Variants in RPH3AL observed in about 807,000 individuals in gnomAD.
The protein encoded by RPH3AL is rab effector Noc2.
In RPH3AL, 38 loss-of-function variants were observed where a neutral mutation model predicts 43.1. The ratio of observed to expected loss-of-function variants is 0.88; its 90% confidence interval spans 0.68 to 1.15. RPH3AL has a LOEUF of 1.15. Ranked by LOEUF, RPH3AL falls within the 50% of genes most tolerant of loss-of-function variation. RPH3AL has a pLI of 0.00. For missense variants in RPH3AL, 462 were observed against 423.2 expected (o/e 1.09, Z -0.81); for synonymous variants, 189 against 176.3 (o/e 1.07, Z -0.57).
intron 1 of RPH3AL, chr17:348,961 C>T (rs2045302529): frequency 6.6e-6 from 1 of 152,228 alleles, no homozygotes; most frequent in Non-Finnish European, 1.5e-5. Context: ...TGAAGAGCCA[C>T]TGCATATTGC....
At chr17:307,402 GTCCTCCCCACGGCAGA>G (rs946662518) in intron 5 of RPH3AL, among the ~76,000 whole-genome samples, 9 of 146,002 alleles carry the variant, frequency 6.2e-5, no homozygotes, top group Non-Finnish European at 9.1e-5. Flanking sequence ...CCCGCGGCAG[GTCCTCCCCACGGCAGA>G]TCCTCCCCAC....
At chr17:286,600 C>T (rs549140728) in intron 5 of RPH3AL, among the ~76,000 whole-genome samples, 16 of 152,324 alleles carry the variant, frequency 1.1e-4, no homozygotes, top group South Asian at 2.1e-4. Flanking sequence ...ATAAAGAAAA[C>T]GAAACAGGTG....
In RPH3AL at chr17:286,925, G is replaced by GTCAGACCTCGCACCCTCTCTCCACCA. The variant is rs1567615419; in HGVS notation, c.352-5072_352-5071insTGGTGGAGAGAGGGTGCGAGGTCTGA. Among the ~76,000 whole-genome samples the GTCAGACCTCGCACCCTCTCTCCACCA allele has an allele frequency of 8.8e-3, 994 of 112,708 alleles. 55 individuals carry two copies. Among genetic ancestry groups the GTCAGACCTCGCACCCTCTCTCCACCA allele is most frequent in the Middle Eastern group, 0.029 (6 of 210 alleles). The allele number at this position is 112,708 out of a possible 152,430, so 73.9% of individuals were successfully genotyped here. On this transcript the variant is annotated intron_variant, in intron 5 of 9. Transcript: ENST00000331302. The stretch of plus-strand genomic sequence containing the variant: ...AGACCTCGCACCCTCTCTCTCCACC[G>GTCAGACCTCGCACCCTCTCTCCACCA]TCAGACCTCGCACCCTCTCTCTCCA...
At chr17:311,630 A>G (rs541080867) in intron 5 of RPH3AL, among the ~76,000 whole-genome samples, 1 of 152,338 alleles carries the variant, frequency 6.6e-6, no homozygotes, top group South Asian at 2.1e-4. Context: ...TTGGCTCACA[A>G]TGGGCGAAGC....
intron 5 of RPH3AL, among the ~76,000 whole-genome samples, chr17:314,261 G>A (rs1398505427): frequency 2.0e-5 from 3 of 152,160 alleles, no homozygotes; most frequent in Non-Finnish European, 4.4e-5. Context: ...CAGGCTCTGT[G>A]CCTCTCCACA....
chr17:307,604 C>T (rs914630359), intron 5 of RPH3AL, among the ~76,000 whole-genome samples: 5 of 152,220 alleles, frequency 3.3e-5, no homozygotes, highest in African/African-American at 1.2e-4. Flanking sequence ...TGAGTGCACA[C>T]AGGAACTGAC....
chr17:313,360 C>T (rs1448608764), intron 5 of RPH3AL, among the ~76,000 whole-genome samples: 1 of 152,224 alleles, frequency 6.6e-6, no homozygotes, highest in African/African-American at 2.4e-5. Context: ...CAGCTCCTGA[C>T]CTTGACTGGC....
intron 7 of RPH3AL, among the ~76,000 whole-genome samples, chr17:221,509 TCAC>T: frequency 1.4e-5 from 1 of 71,946 alleles, no homozygotes; most frequent in Admixed American, 1.3e-4. Context: ...AGGCCTCCAC[TCAC>T]TGAGACAATA....
Position 245,052 on chromosome 17 carries a change from C to T in RPH3AL, c.613+2059G>A, listed in dbSNP as rs960245867. On this transcript the variant is annotated intron_variant, in intron 7 of 9. Transcript: ENST00000331302. The surrounding 1 kb of genome is among the most constrained non-coding windows in gnomAD (Gnocchi z 5.9). ...TGTGTGGATGTGAGCACTATGTGTG[C>T]ATGTGGATGTGTGTGCATAAATGTG... Among the ~76,000 whole-genome samples the T allele has an allele frequency of 6.8e-6, 1 of 147,228 alleles. No homozygotes were observed. Among genetic ancestry groups the T allele is most frequent in the Non-Finnish European group, 1.5e-5 (1 of 66,982 alleles).
At chr17:288,675 CCT>C (rs1383267809) in intron 5 of RPH3AL, among the ~76,000 whole-genome samples, 18 of 320 alleles carry the variant, frequency 0.056, 9 homozygotes, top group African/African-American at 0.14. Context: ...GACCTCGCAC[CCT>C]CTCTCTCCAC....
At position 328,373 on chromosome 17, in the gene RPH3AL, G is replaced by A. The variant is rs1414618668; in HGVS notation, c.-36-794C>T. Among the ~76,000 whole-genome samples the A allele has an allele frequency of 1.3e-5, 2 of 151,874 alleles. No individual in the cohort carries two copies. The highest frequency in any genetic ancestry group is 6.6e-5 in the Admixed American group (1 of 15,224). On this transcript the variant is annotated intron_variant, in intron 2 of 9. Coordinates refer to ENST00000331302, the MANE Select transcript of RPH3AL (RefSeq NM_006987.4). This position sits in a 1 kb window ranked among gnomAD's most constrained non-coding sequence, Gnocchi z 4.2. Reference sequence around the variant, plus strand: ...GAGGGTATCTGAATCCCAGAGCAAGGAGGAGGGGCTCTCCTGAGCCATCCA... The same window carrying A: ...GAGGGTATCTGAATCCCAGAGCAAGAAGGAGGGGCTCTCCTGAGCCATCCA...
rs2151541080 is a variant in RPH3AL at position 245,045 on chromosome 17, ATG to A, written c.613+2064_613+2065del. 6.7e-6 allele frequency among the ~76,000 whole-genome samples: 1 copy of A among 149,214 alleles called. No individual in the cohort carries two copies. The highest frequency in any genetic ancestry group is 2.2e-4 in the South Asian group (1 of 4,560). On this transcript the variant is annotated intron_variant, in intron 7 of 9. Coordinates refer to ENST00000331302, the MANE Select transcript of RPH3AL (RefSeq NM_006987.4). The surrounding 1 kb of genome is among the most constrained non-coding windows in gnomAD (Gnocchi z 5.9). ...GGATGTGTGTGTGGATGTGAGCACT[ATG>A]TGTGCATGTGGATGTGTGTGCATAA...
intron 7 of RPH3AL, among the ~76,000 whole-genome samples, chr17:240,237 CAA>C (rs56048443): frequency 0.6 from 84,330 of 140,200 alleles, 24,287 homozygotes; most frequent in South Asian, 0.74. Flanking sequence ...AACTCCATCT[CAA>C]AAAAAAAAAA....
chr17:252,103 C>G (rs868953900), intron 6 of RPH3AL, among the ~76,000 whole-genome samples: 1 of 151,800 alleles, frequency 6.6e-6, no homozygotes, highest in African/African-American at 2.4e-5. Flanking sequence ...TCCCGAGTAG[C>G]TGGGACTATA....
intron 6 of RPH3AL, among the ~76,000 whole-genome samples, chr17:265,388 G>T (rs1348331794): frequency 2.2e-4 from 33 of 152,140 alleles, no homozygotes; most frequent in Non-Finnish European, 8.8e-5. Flanking sequence ...CTGGCCAAGA[G>T]ATATTTTTTG....
chr17:227,707 A>C (rs992809958), intron 7 of RPH3AL, among the ~76,000 whole-genome samples: 2 of 152,190 alleles, frequency 1.3e-5, no homozygotes, highest in African/African-American at 4.8e-5. Flanking sequence ...GCCGCCCGGC[A>C]CAAGGACAGC....
rs1466639925 is a variant in RPH3AL at position 314,892 on chromosome 17, G to GC, written c.351+4527dup. Among the ~76,000 whole-genome samples the GC allele has an allele frequency of 2.5e-3, 230 of 93,650 alleles. 5 individuals carry two copies. Among genetic ancestry groups the GC allele is most frequent in the African/African-American group, 0.01 (216 of 21,240 alleles). The allele number at this position is 93,650 out of a possible 152,430, so 61.4% of individuals were successfully genotyped here. On this transcript the variant is annotated intron_variant, in intron 5 of 9. Coordinates refer to ENST00000331302, the MANE Select transcript of RPH3AL (RefSeq NM_006987.4). ...ACCTCCATTGACCTGTAGTCTCTGT[G>GC]CTCCACCTCCATTGACCAGTAGTCC...
At chr17:231,588 C>G (rs2041231980) in intron 7 of RPH3AL, among the ~76,000 whole-genome samples, 1 of 152,250 alleles carries the variant, frequency 6.6e-6, no homozygotes, top group South Asian at 2.1e-4. Flanking sequence ...ATTCACTTCA[C>G]TTAGTCCCCG....
At chr17:317,823 G>C (rs1042458053) in intron 5 of RPH3AL, among the ~76,000 whole-genome samples, 2 of 152,118 alleles carry the variant, frequency 1.3e-5, no homozygotes, top group African/African-American at 4.8e-5. Context: ...CCTCAAGTTT[G>C]CCAGTGGCCT....
Sources: allele counts gnomAD v4.1 joint callset (sites outside exome capture counted in the v4.1 genomes callset), GRCh38; gene constraint gnomAD v4.1.1; non-coding constraint Gnocchi (gnomAD v3.1); transcripts MANE v1.5; gene names NCBI Gene and HGNC (gene_info 2026-07-23, HGNC 2026-07-21).